The following HTR1F variants were observed in gnomAD, a reference collection of about 807,000 sequenced individuals.
HTR1F encodes the protein 5-hydroxytryptamine (serotonin) receptor 1F, G protein-coupled.
A neutral mutation model predicts 24.0 loss-of-function variants in HTR1F; 17 were observed. The ratio of observed to expected loss-of-function variants is 0.71; its 90% CI spans 0.48 to 1.06. HTR1F has a LOEUF of 1.06. Among genes scored for constraint, HTR1F ranks in the 50% least tolerant of loss-of-function variants. The pLI, the probability that HTR1F is intolerant of heterozygous loss-of-function variation, is 0.00. For synonymous variants in HTR1F, 186 were observed against 156.8 expected (o/e 1.19, Z -1.39); for missense variants, 391 against 427.8 (o/e 0.91, Z 0.76).
At chr3:87,893,339 A>T (rs1436295097) in intron 2 of HTR1F, among the ~76,000 whole-genome samples, 1 of 152,192 alleles carries the variant, frequency 6.6e-6, no homozygotes, top group Non-Finnish European at 1.5e-5. Context: ...ATTGTTTATC[A>T]TTCCTAAAAA....
At chr3:87,886,439 G>A (rs1705944892) in intron 2 of HTR1F, among the ~76,000 whole-genome samples, 1 of 152,160 alleles carries the variant, frequency 6.6e-6, no homozygotes, top group Non-Finnish European at 1.5e-5. Context: ...ACAAGACAGA[G>A]ATGCCCTCTC....
intron 2 of HTR1F, among the ~76,000 whole-genome samples, chr3:87,925,999 C>T (rs760568146): frequency 6.6e-6 from 1 of 152,168 alleles, no homozygotes; most frequent in East Asian, 1.9e-4. Context: ...CACTGGACAC[C>T]TCCAATCAGC....
At chr3:87,873,095 TACACACACAC>T (rs61407734) in intron 2 of HTR1F, among the ~76,000 whole-genome samples, 6 of 135,024 alleles carry the variant, frequency 4.4e-5, no homozygotes, top group African/African-American at 1.3e-4. Context: ...CATGCATACA[TACACACACAC>T]ACACACACAC....
At chr3:87,900,970 A>G (rs1359791339) in intron 2 of HTR1F, among the ~76,000 whole-genome samples, 1 of 152,190 alleles carries the variant, frequency 6.6e-6, no homozygotes, top group African/African-American at 2.4e-5. Flanking sequence ...CATACATAGT[A>G]AGAAATGCCA....
intron 1 of HTR1F, among the ~76,000 whole-genome samples, chr3:87,805,014 A>G (rs1374133315): frequency 6.6e-6 from 1 of 152,062 alleles, no homozygotes; most frequent in South Asian, 2.1e-4. Context: ...ACCTTTTGAT[A>G]CTAATGCCAT....
intron 2 of HTR1F, among the ~76,000 whole-genome samples, chr3:87,855,474 T>C (rs1705178957): frequency 6.6e-6 from 1 of 152,048 alleles, no homozygotes; most frequent in Non-Finnish European, 1.5e-5. Flanking sequence ...AGTCGCTTTT[T>C]CTGTAACTCC....
chr3:87,922,897 G>T (rs1704041523), intron 2 of HTR1F, among the ~76,000 whole-genome samples: 1 of 149,934 alleles, frequency 6.7e-6, no homozygotes, highest in South Asian at 2.1e-4. Flanking sequence ...TCATTTCACA[G>T]TTTTGGGTCT....
intron 2 of HTR1F, among the ~76,000 whole-genome samples, chr3:87,970,443 A>G (rs1705261456): frequency 6.6e-6 from 1 of 152,234 alleles, no homozygotes; most frequent in African/African-American, 2.4e-5. Flanking sequence ...TTGCTGAGGT[A>G]GAGGAAAAGC....
intron 2 of HTR1F, among the ~76,000 whole-genome samples, chr3:87,970,011 A>T (rs1705253033): frequency 6.6e-6 from 1 of 152,146 alleles, no homozygotes; most frequent in African/African-American, 2.4e-5. Flanking sequence ...TTCTGCCATG[A>T]TTGTGAGGCC....
At chr3:87,874,516 T>A (rs1705626937) in intron 2 of HTR1F, among the ~76,000 whole-genome samples, 1 of 151,936 alleles carries the variant, frequency 6.6e-6, no homozygotes, top group Non-Finnish European at 1.5e-5. Flanking sequence ...CAAAGATATC[T>A]CACACTCATG....
chr3:87,817,562 T>A (rs1704273123), intron 1 of HTR1F, among the ~76,000 whole-genome samples: 1 of 152,182 alleles, frequency 6.6e-6, no homozygotes, highest in Admixed American at 6.6e-5. Context: ...ATACTACACT[T>A]GTTGCATTAC....
chr3:87,953,002 TAATC>T (rs1704867499), intron 2 of HTR1F, among the ~76,000 whole-genome samples: 1 of 151,890 alleles, frequency 6.6e-6, no homozygotes, highest in South Asian at 2.1e-4. Context: ...AGAAATCATG[TAATC>T]AATCTTTATA....
intron 2 of HTR1F, among the ~76,000 whole-genome samples, chr3:87,886,032 G>A (rs1325377641): frequency 4.0e-5 from 6 of 151,674 alleles, no homozygotes; most frequent in Non-Finnish European, 5.9e-5. Context: ...GCAGAGACAC[G>A]ACAAAAAAAG....
intron 2 of HTR1F, among the ~76,000 whole-genome samples, chr3:87,988,420 T>C (rs1705726094): frequency 6.6e-6 from 1 of 152,212 alleles, no homozygotes; most frequent in Admixed American, 6.5e-5. Context: ...GCCACTCAAT[T>C]TGCTTAACAG....
intron 1 of HTR1F, among the ~76,000 whole-genome samples, chr3:87,807,443 A>G (rs188263900): frequency 6.6e-6 from 1 of 152,122 alleles, no homozygotes; most frequent in Non-Finnish European, 1.5e-5. Flanking sequence ...TAATTAGCAT[A>G]TAGAAATGAT....
At chr3:87,965,375 C>G (rs750347562) in intron 2 of HTR1F, among the ~76,000 whole-genome samples, 1 of 152,158 alleles carries the variant, frequency 6.6e-6, no homozygotes, top group African/African-American at 2.4e-5. Context: ...CATCTCCTAT[C>G]ATTTTTTGCA....
chr3:87,967,125 T>C (rs1446351729), intron 2 of HTR1F, among the ~76,000 whole-genome samples: 4 of 152,128 alleles, frequency 2.6e-5, no homozygotes. Flanking sequence ...TGTTTAACTC[T>C]TTTGCTTATA....
At position 87,949,949 on chromosome 3, in the gene HTR1F, G is replaced by T. The variant is rs111689882; in HGVS notation, c.-42-40759G>T. On this transcript the variant is annotated intron_variant, in intron 2 of 2. Coordinates refer to ENST00000319595, the MANE Select transcript of HTR1F (RefSeq NM_001322209.2). ...TAACTGATGGTTCTGCAGGCTGGAC[G>T]AGAAGCATGGGCTGGTATCTGCTCA... Among the ~76,000 whole-genome samples the T allele has an allele frequency of 6.2e-3, 942 of 152,304 alleles. 12 individuals carry two copies. Among genetic ancestry groups the T allele is most frequent in the African/African-American group, 0.021 (889 of 41,568 alleles).
At chr3:87,901,907 C>T (rs1472513385) in intron 2 of HTR1F, among the ~76,000 whole-genome samples, 4 of 152,062 alleles carry the variant, frequency 2.6e-5, no homozygotes, top group African/African-American at 4.8e-5. Context: ...ACGACCTCTA[C>T]AAAATAATTG....
Sources: gnomAD v4.1 joint callset for allele counts (sites outside exome capture counted in the v4.1 genomes callset) on GRCh38, gnomAD v4.1.1 for gene constraint, MANE v1.5 for transcripts, NCBI Gene and HGNC (gene_info 2026-07-23, HGNC 2026-07-21) for gene names.